IMPDH1: variants seen among roughly 807,000 people sequenced by gnomAD.
IMPDH1 encodes the protein inosine-5'-monophosphate dehydrogenase 1.
Under a neutral mutation model 73.5 loss-of-function variants are expected in IMPDH1, and 41 were observed. The observed-to-expected ratio is 0.56, with a 90% CI of 0.43 to 0.72. IMPDH1 has a LOEUF of 0.72. IMPDH1 is among the 30% of genes least tolerant of loss of function. The pLI is 0.00. For synonymous variants in IMPDH1, 318 were observed against 334.3 expected (o/e 0.95, Z 0.53); for missense variants, 645 against 824.8 (o/e 0.78, Z 2.67).
Position 128,409,863 on chromosome 7 carries a change from G to C in IMPDH1, c.39C>G (p.Gly13=). The change falls in exon 1 of 17, where the codon GGC becomes GGG. Residue 13 remains glycine, a synonymous_variant. Coordinates refer to ENST00000338791, the MANE Select transcript of IMPDH1 (RefSeq NM_000883.4). ...GPLTPPPLQG[G]GAAAVPEPGA... ...CGGGCTCCGGAACAGCGGCGGCTCC[G>C]CCTCCCTGCAGCGGTGGTGGAGTGA... 6.7e-7 allele frequency: 1 copy of C among 1,488,820 alleles called. No individual in the cohort carries two copies. Among genetic ancestry groups the C allele is most frequent in the Non-Finnish European group, 8.9e-7 (1 of 1,126,150 alleles). 92.2% of individuals were successfully genotyped at this position (1,488,820 alleles called of 1,614,324 possible).
Position 128,396,722 on chromosome 7 carries a change from C to A in IMPDH1, c.1166-27G>T, listed in dbSNP as rs1264393817. On this transcript the variant is annotated intron_variant, in intron 11 of 16. Transcript: ENST00000338791. This position sits in a 1 kb window ranked among gnomAD's most constrained non-coding sequence, Gnocchi z 4.0. Reference sequence around the variant, plus strand: ...TGGGGGTGGGGATGGGGCAGAGGAACAATGTGAGGATGGGATGCCCCTGCC... The same window carrying A: ...TGGGGGTGGGGATGGGGCAGAGGAAAAATGTGAGGATGGGATGCCCCTGCC... 1.3e-6 allele frequency: 2 copies of A among 1,531,224 alleles called. No individual in the cohort carries two copies. Among genetic ancestry groups the A allele is most frequent in the Non-Finnish European group, 1.8e-6 (2 of 1,129,010 alleles). The allele number at this position is 1,531,224 out of a possible 1,614,324, so 94.9% of individuals were successfully genotyped here. A position where few individuals can be genotyped will look rare whatever the true frequency, so the allele number is the denominator to read the frequency against.
chr7:128,398,647 C>T lies in IMPDH1; in HGVS notation c.875-34G>A. 1 of 1,572,012 alleles carries T rather than the reference C, an allele frequency of 6.4e-7. No homozygotes were observed. Among genetic ancestry groups the T allele is most frequent in the Non-Finnish European group, 8.7e-7 (1 of 1,143,390 alleles). ...GAATGCAGGGGTGAAATGAAGCAGG[C>T]TTGGTGGGGAGAAGTTTGGGAGATG... On this transcript the variant is annotated intron_variant, in intron 9 of 16. Coordinates refer to ENST00000338791, the MANE Select transcript of IMPDH1 (RefSeq NM_000883.4). The surrounding 1 kb of genome is among the most constrained non-coding windows in gnomAD (Gnocchi z 4.3).
chr7:128,401,176 G>T, intron 5 of IMPDH1, 60 bp from the exon 6 acceptor site: 5 of 1,295,274 alleles, frequency 3.9e-6, no homozygotes, highest in Non-Finnish European at 1.1e-6. Context: ...CTCACTCACT[G>T]AGCTCCTACA....
rs1346703525 is a variant in IMPDH1, at chr7:128,396,363, A to C, written c.1261+237T>G. Among the ~76,000 whole-genome samples, 1 of 152,166 alleles carries C rather than the reference A, an allele frequency of 6.6e-6. No individual in the cohort carries two copies. Among genetic ancestry groups the C allele is most frequent in the African/African-American group, 2.4e-5 (1 of 41,440 alleles). ...ACAGTCACACCAGCCCCAGGCCCCA[A>C]GCCCCAGGCAGAGCCCCCTTGACCG... is the stretch of plus-strand genomic sequence containing the variant. On this transcript the variant is annotated intron_variant, in intron 12 of 16. Coordinates refer to ENST00000338791, the MANE Select transcript of IMPDH1 (RefSeq NM_000883.4). The surrounding 1 kb of genome is among the most constrained non-coding windows in gnomAD (Gnocchi z 4.0).
At position 128,409,953 on chromosome 7, in the gene IMPDH1, G is replaced by T; in HGVS notation, c.-52C>A. ...GGAGCCTGGAGGCTCCCGGGGCCCC[G>T]GCTGGGCAGTGAGCGCAGCCCGGTC... On this transcript the variant is annotated 5_prime_UTR_variant, in exon 1 of 17. Coordinates refer to ENST00000338791, the MANE Select transcript of IMPDH1 (RefSeq NM_000883.4). The T allele has an allele frequency of 3.8e-6, 5 of 1,316,430 alleles. No homozygotes were observed. The highest frequency in any genetic ancestry group is 3.9e-6 in the Non-Finnish European group (4 of 1,037,288). 81.5% of individuals were successfully genotyped at this position (1,316,430 alleles called of 1,614,324 possible).
At chr7:128,400,678 A>T (rs1798267577) in intron 7 of IMPDH1, 139 bp from the exon 8 acceptor site, 1 of 1,179,078 alleles carries the variant, frequency 8.5e-7, no homozygotes, top group Non-Finnish European at 1.3e-6. Context: ...TGGGAAAATG[A>T]GGGCTCGGCC....
At position 128,396,917 on chromosome 7, in the gene IMPDH1, C is replaced by A; in HGVS notation, c.1165+15G>T. ...GGGGCAGGAGCAGGCGGGTGGGAGGCGACCCCGCACTCACCGTTCCCCCCA... is the reference window on the plus strand; with the variant it reads ...GGGGCAGGAGCAGGCGGGTGGGAGGAGACCCCGCACTCACCGTTCCCCCCA... On this transcript the variant is annotated intron_variant, in intron 11 of 16. Coordinates refer to ENST00000338791, the MANE Select transcript of IMPDH1 (RefSeq NM_000883.4). This position sits in a 1 kb window ranked among gnomAD's most constrained non-coding sequence, Gnocchi z 4.0. 6.3e-7 allele frequency: 1 copy of A among 1,595,796 alleles called. No individual in the cohort carries two copies. Among genetic ancestry groups the A allele is most frequent in the South Asian group, 1.1e-5 (1 of 90,712 alleles).
In IMPDH1 at chr7:128,395,200, T is replaced by C. The variant is rs779609956; in HGVS notation, c.1336A>G (p.Ile446Val). ...AEYARRFGVPIIADGGIQTVG... is the reference protein window; with the variant it reads ...AEYARRFGVPVIADGGIQTVG... ...GTCTGGATGCCGCCATCGGCTATGA[T>C]GGGCACACCAAAGCGCCGGGCATAC... is the stretch of plus-strand genomic sequence containing the variant. Residue 446 changes from isoleucine to valine, a missense_variant, in exon 13 of 17, where the codon ATC (isoleucine) becomes GTC (valine). Coordinates refer to ENST00000338791, the MANE Select transcript of IMPDH1 (RefSeq NM_000883.4). 6.2e-7 allele frequency: 1 copy of C among 1,613,978 alleles called. No individual in the cohort carries two copies. Among genetic ancestry groups the C allele is most frequent in the Admixed American group, 1.7e-5 (1 of 60,034 alleles).
chr7:128,404,739 C>A (rs1007442787), intron 4 of IMPDH1, among the ~76,000 whole-genome samples: 1 of 152,170 alleles, frequency 6.6e-6, no homozygotes, highest in Non-Finnish European at 1.5e-5. Context: ...GGCTTTCAAT[C>A]TCATCACCAA....
chr7:128,406,746 C>T (rs1798805369), intron 3 of IMPDH1, among the ~76,000 whole-genome samples: 1 of 152,212 alleles, frequency 6.6e-6, no homozygotes, highest in Non-Finnish European at 1.5e-5. Context: ...GGCTCACCGC[C>T]CTATCTCCGG....
chr7:128,406,970 G>A (rs541291839), intron 3 of IMPDH1, among the ~76,000 whole-genome samples: 4 of 152,196 alleles, frequency 2.6e-5, no homozygotes, highest in Non-Finnish European at 5.9e-5. Flanking sequence ...TCTACATGGG[G>A]GCAGTGACTG....
chr7:128,393,035 G>A lies in IMPDH1; in HGVS notation c.1779-7C>T, dbSNP rs767330670. On this transcript the variant is annotated splice_polypyrimidine_tract_variant and splice_region_variant and intron_variant, in intron 16 of 16. Transcript: ENST00000338791. Reference sequence around the variant, plus strand: ...GTACAGCCGCTTTTCGTAACTGTGGGGACAAGGCAAGAGGGGGAACAAGAG... The same window carrying A: ...GTACAGCCGCTTTTCGTAACTGTGGAGACAAGGCAAGAGGGGGAACAAGAG... 1.2e-6 allele frequency: 2 copies of A among 1,613,890 alleles called. No homozygotes were observed. The highest frequency in any genetic ancestry group is 1.7e-5 in the Admixed American group (1 of 60,012).
chr7:128,409,616 G>C, intron 1 of IMPDH1, 132 bp from the exon 2 acceptor site: 1 of 1,518,768 alleles, frequency 6.6e-7, no homozygotes, highest in Non-Finnish European at 9.1e-7. Flanking sequence ...GTTTCGGGAA[G>C]TTAGAGGCTG....
In IMPDH1 at chr7:128,394,540, G is replaced by C; in HGVS notation, c.1610C>G (p.Ser537Cys). 1.2e-6 allele frequency: 2 copies of C among 1,613,930 alleles called. No homozygotes were observed. Among genetic ancestry groups the C allele is most frequent in the South Asian group, 2.2e-5 (2 of 91,072 alleles). The change falls in exon 15 of 17, where the codon TCC becomes TGC. Residue 537 changes from serine (S) to cysteine (C), a missense_variant. Physicochemically the swap from Ser to Cys is moderately radical, Grantham distance 112 (BLOSUM62 -1). This residue lies in a region of IMPDH1 where 459 missense variants were observed against 638.2 expected (regional missense o/e 0.72). Transcript: ENST00000338791. This position sits in a 1 kb window ranked among gnomAD's most constrained non-coding sequence, Gnocchi z 5.5. ...GAGGTAGGGCACGAACTTCTGAATG[G>C]ATCCTTTGTCCTGGATGGAGCCCGA... is the stretch of plus-strand genomic sequence containing the variant. Reference protein sequence around the residue: ...GVSGSIQDKGSIQKFVPYLIA... With the variant: ...GVSGSIQDKGCIQKFVPYLIA...
chr7:128,409,434 GAGCC>G lies in IMPDH1; in HGVS notation c.190+3_190+6del. 6.2e-7 allele frequency: 1 copy of G among 1,614,218 alleles called. No homozygotes were observed. Among genetic ancestry groups the G allele is most frequent in the East Asian group, 2.2e-5 (1 of 44,886 alleles). On this transcript the variant is annotated splice_donor_5th_base_variant and intron_variant, in intron 2 of 16. Transcript: ENST00000338791. ...AGCACTGTTTGAACCCCAGGAGTTG[GAGCC>G]ACCTGAACGGGGTGTCGTCGGGTGT...
chr7:128,400,143 C>T lies in IMPDH1; in HGVS notation c.826G>A (p.Gly276Ser). The change falls in exon 9 of 17, where the codon GGT (glycine) becomes AGT (serine). Residue 276 changes from glycine (G) to serine (S), a missense_variant. By Grantham distance (56) the Gly-to-Ser change is moderately conservative. Transcript: ENST00000338791. Reference sequence around the variant, plus strand: ...TCATTTGCCTCTTTCAACGTCACACCTGCTGGAGCCACCACCAGTTCAATC... The same window carrying T: ...TCATTTGCCTCTTTCAACGTCACACTTGCTGGAGCCACCACCAGTTCAATC... ...PRIELVVAPA[G>S]VTLKEANEIL... is the part of the protein sequence containing the mutation. 6.2e-7 allele frequency: 1 copy of T among 1,614,094 alleles called. No individual in the cohort carries two copies. The highest frequency in any genetic ancestry group is 8.5e-7 in the Non-Finnish European group (1 of 1,180,032).
chr7:128,396,665 A>G lies in IMPDH1; in HGVS notation c.1196T>C (p.Ile399Thr). The G allele has an allele frequency of 6.4e-7, 1 of 1,555,278 alleles. No individual in the cohort carries two copies. The highest frequency in any genetic ancestry group is 1.4e-5 in the African/African-American group (1 of 73,500). The change falls in exon 12 of 17, where the codon ATT (isoleucine) becomes ACT (threonine). Residue 399 changes from isoleucine to threonine, a missense_variant. By Grantham distance (89) the Ile-to-Thr change is moderately conservative. Coordinates refer to ENST00000338791, the MANE Select transcript of IMPDH1 (RefSeq NM_000883.4). The surrounding 1 kb of genome is among the most constrained non-coding windows in gnomAD (Gnocchi z 4.0). Reference protein sequence around the residue: ...VVTAAQAKNLIDAGVDGLRVG... With the variant: ...VVTAAQAKNLTDAGVDGLRVG... ...GCGCAGCCCGTCCACACCAGCATCA[A>G]TCAGGTTCTTGGCCTGGGCTGCTGT...
chr7:128,395,225 CT>C lies in IMPDH1; in HGVS notation c.1310del (p.Glu437GlyfsTer11). 1.2e-6 allele frequency: 2 copies of C among 1,613,896 alleles called. No individual in the cohort carries two copies. The highest frequency in any genetic ancestry group is 1.7e-6 in the Non-Finnish European group (2 of 1,180,048). On this transcript the variant is annotated frameshift_variant, in exon 13 of 17. Coordinates refer to ENST00000338791, the MANE Select transcript of IMPDH1 (RefSeq NM_000883.4). LOFTEE classifies it high-confidence loss of function. ...TGGGCACACCAAAGCGCCGGGCATA[CT>C]CAGCCACCTTGTACACAGCAGTGCC... ...PQGTAVYKVA[E>X]YARRFGVPII...
Position 128,394,392 on chromosome 7 carries a change from GCCA to G in IMPDH1, c.1695-34_1695-32del. 6.2e-7 allele frequency: 1 copy of G among 1,610,442 alleles called. No individual in the cohort carries two copies. The highest frequency in any genetic ancestry group is 8.5e-7 in the Non-Finnish European group (1 of 1,176,650). ...AGGAAGGTAGGTGGAGCAGATCAGG[GCCA>G]CCAAGGGTGGAGAAGAGCGAGAGAA... is the stretch of plus-strand genomic sequence containing the variant. On this transcript the variant is annotated intron_variant, in intron 15 of 16. Coordinates refer to ENST00000338791, the MANE Select transcript of IMPDH1 (RefSeq NM_000883.4). This position sits in a 1 kb window ranked among gnomAD's most constrained non-coding sequence, Gnocchi z 5.5.
Sources: gnomAD v4.1 joint callset for allele counts (sites outside exome capture counted in the v4.1 genomes callset) on GRCh38, gnomAD v4.1.1 for gene constraint, gnomAD v4.1.1 regional missense constraint, Gnocchi (gnomAD v3.1) non-coding constraint, MANE v1.5 for transcripts, NCBI Gene and HGNC (gene_info 2026-07-23, HGNC 2026-07-21) for gene names.